Variants in BCAS3 observed in about 807,000 individuals in gnomAD.
BCAS3 encodes the protein BCAS4/BCAS3 fusion.
In BCAS3, 53 loss-of-function variants were observed where a neutral mutation model predicts 116.1. The ratio of observed to expected loss-of-function variants is 0.46; its 90% CI spans 0.37 to 0.57. The LOEUF (loss-of-function observed/expected upper bound fraction) is 0.57. BCAS3 is among the 20% of genes least tolerant of loss of function. BCAS3 has a pLI of 0.00. For missense variants in BCAS3, 917 were observed against 1,165.4 expected (o/e 0.79, Z 3.10); for synonymous variants, 391 against 408.2 (o/e 0.96, Z 0.51).
At chr17:61,044,484 T>C (rs997655070) in intron 19 of BCAS3, among the ~76,000 whole-genome samples, 11 of 142,752 alleles carry the variant, frequency 7.7e-5, no homozygotes, top group Admixed American at 6.8e-4. Flanking sequence ...ATATATGCCA[T>C]AAGAACTTAA....
chr17:60,859,203 T>C (rs2053944733), intron 7 of BCAS3, among the ~76,000 whole-genome samples: 1 of 152,240 alleles, frequency 6.6e-6, no homozygotes, highest in Non-Finnish European at 1.5e-5. Flanking sequence ...TTCCAACTTT[T>C]ATTTTAGGTT....
intron 14 of BCAS3, among the ~76,000 whole-genome samples, chr17:60,969,849 A>G (rs886672923): frequency 6.6e-6 from 1 of 152,194 alleles, no homozygotes; most frequent in African/African-American, 2.4e-5. Context: ...CTCACTGGAA[A>G]CCATGGAAGT....
At chr17:60,714,393 G>A (rs934888369) in intron 5 of BCAS3, among the ~76,000 whole-genome samples, 1 of 152,036 alleles carries the variant, frequency 6.6e-6, no homozygotes, top group Admixed American at 6.6e-5. Context: ...ACTGTCCCGC[G>A]GTGGCTCATG....
chr17:60,924,076 C>T (rs2059241195), intron 12 of BCAS3, among the ~76,000 whole-genome samples: 1 of 152,068 alleles, frequency 6.6e-6, no homozygotes, highest in South Asian at 2.1e-4. Context: ...GGATAAAGCG[C>T]TAAGTGATTA....
chr17:61,322,832 G>GAGAGAGAGAGAGAGAGAGAGAGAC (rs1568850601), intron 22 of BCAS3, among the ~76,000 whole-genome samples: 2 of 119,846 alleles, frequency 1.7e-5, no homozygotes, highest in African/African-American at 4.3e-5. Context: ...GAGAGAGACA[G>GAGAGAGAGAGAGAGAGAGAGAGAC]AGAGAGAGAG....
Position 60,854,949 on chromosome 17 carries a change from G to GTT in BCAS3, c.477-13607_477-13606dup, listed in dbSNP as rs1267985905. Among the ~76,000 whole-genome samples the GTT allele has an allele frequency of 3.2e-3, 395 of 121,970 alleles. 13 individuals carry two copies. Among genetic ancestry groups the GTT allele is most frequent in the African/African-American group, 7.9e-3 (222 of 28,216 alleles). The allele number at this position is 121,970 out of a possible 152,430, so 80.0% of individuals were successfully genotyped here. A position where few individuals can be genotyped will look rare whatever the true frequency, so the allele number is the denominator to read the frequency against. On this transcript the variant is annotated intron_variant, in intron 7 of 23. Transcript: ENST00000407086. ...ATTTTTCTTATTTATTTTCAGTGAG[G>GTT]TTTTTTTTTTTTTTTTTTTTTGTAG... is the stretch of plus-strand genomic sequence containing the variant.
At chr17:61,293,319 G>A (rs1306803463) in intron 22 of BCAS3, among the ~76,000 whole-genome samples, 2 of 152,130 alleles carry the variant, frequency 1.3e-5, no homozygotes, top group Non-Finnish European at 2.9e-5. Flanking sequence ...TATAGCTTGA[G>A]AAAATCCTCC....
chr17:60,782,560 A>AGTT (rs1003659598), intron 6 of BCAS3, among the ~76,000 whole-genome samples: 5 of 128,150 alleles, frequency 3.9e-5, no homozygotes, highest in African/African-American at 1.7e-4. Context: ...GGTCTTTATA[A>AGTT]GTTATTATTA....
intron 22 of BCAS3, among the ~76,000 whole-genome samples, chr17:61,157,685 G>A (rs1015221100): frequency 3.1e-5 from 4 of 130,824 alleles, no homozygotes; most frequent in African/African-American, 1.2e-4. Flanking sequence ...TTTAATTTCA[G>A]TGGAGAGGCT....
intron 22 of BCAS3, among the ~76,000 whole-genome samples, chr17:61,212,856 T>G (rs1265714443): frequency 6.6e-6 from 1 of 152,214 alleles, no homozygotes; most frequent in African/African-American, 2.4e-5. Flanking sequence ...CTATAGCATT[T>G]GGTTAGCATC....
Position 61,381,266 on chromosome 17 carries a change from A to G in BCAS3, c.2594-10711A>G, listed in dbSNP as rs1407295965. ...TTTGTTATTCCTCCTGGAGGAGCAA[A>G]TGGAAAGGCTCGCCTGAGCCAGCTG... is the stretch of plus-strand genomic sequence containing the variant. On this transcript the variant is annotated intron_variant, in intron 23 of 23. Coordinates refer to ENST00000407086, the MANE Select transcript of BCAS3 (RefSeq NM_017679.5). This position sits in a 1 kb window ranked among gnomAD's most constrained non-coding sequence, Gnocchi z 6.0. Among the ~76,000 whole-genome samples, 1 of 152,216 alleles carries G rather than the reference A, an allele frequency of 6.6e-6. No homozygotes were observed. The highest frequency in any genetic ancestry group is 1.5e-5 in the Non-Finnish European group (1 of 68,042).
chr17:61,175,075 C>T (rs572450506), intron 22 of BCAS3, among the ~76,000 whole-genome samples: 1 of 152,232 alleles, frequency 6.6e-6, no homozygotes, highest in African/African-American at 2.4e-5. Context: ...AAAGAGTAGT[C>T]CTGCTGCATC....
chr17:61,084,528 C>G lies in BCAS3; in HGVS notation c.2389C>G (p.Arg797Gly). Residue 797 changes from arginine (R) to glycine (G), a missense_variant, in exon 22 of 24, where the codon CGA becomes GGA. Physicochemically the swap from Arg to Gly is moderately radical, Grantham distance 125. This residue lies in a region of BCAS3 where 807 missense variants were observed against 1,026.0 expected (regional missense o/e 0.79). Coordinates refer to ENST00000407086, the MANE Select transcript of BCAS3 (RefSeq NM_017679.5). This position sits in a 1 kb window ranked among gnomAD's most constrained non-coding sequence, Gnocchi z 5.5. ...AGGGTCATCCCGTCCAGTCTCTGAT[C>G]GAAGGGGAGTTTCCACAGTGATTGA... ...MPGSSRPVSD[R>G]RGVSTVIDAA... 7 of 1,614,086 alleles carry G rather than the reference C, an allele frequency of 4.3e-6. No individual in the cohort carries two copies. The highest frequency in any genetic ancestry group is 5.9e-6 in the Non-Finnish European group (7 of 1,179,962).
Position 60,956,682 on chromosome 17 carries a change from G to A in BCAS3, c.1221+9330G>A, listed in dbSNP as rs1229750272. On this transcript the variant is annotated intron_variant, in intron 14 of 23. Coordinates refer to ENST00000407086, the MANE Select transcript of BCAS3 (RefSeq NM_017679.5). This position sits in a 1 kb window ranked among gnomAD's most constrained non-coding sequence, Gnocchi z 4.2. ...TGCCAGTGATGTTCCTACTTAACAG[G>A]TAGGAAAGTCAAATAGAAATTATTT... 6.6e-6 allele frequency among the ~76,000 whole-genome samples: 1 copy of A among 152,148 alleles called. No homozygotes were observed. Among genetic ancestry groups the A allele is most frequent in the East Asian group, 1.9e-4 (1 of 5,196 alleles).
intron 6 of BCAS3, among the ~76,000 whole-genome samples, chr17:60,763,227 A>C (rs1046262415): frequency 6.6e-6 from 1 of 152,134 alleles, no homozygotes; most frequent in African/African-American, 2.4e-5. Flanking sequence ...AACTTCCAAC[A>C]CTATGTTGAA....
chr17:61,288,282 C>G (rs930402614), intron 22 of BCAS3, among the ~76,000 whole-genome samples: 1 of 152,232 alleles, frequency 6.6e-6, no homozygotes, highest in Non-Finnish European at 1.5e-5. Flanking sequence ...GACTTGTCAT[C>G]TGCTGGCCCT....
intron 6 of BCAS3, among the ~76,000 whole-genome samples, chr17:60,792,024 G>A (rs1024945064): frequency 3.9e-5 from 6 of 152,178 alleles, no homozygotes; most frequent in Non-Finnish European, 5.9e-5. Context: ...TCAGGAGGCC[G>A]AGGCAGGAGA....
At chr17:60,851,494 A>G in intron 7 of BCAS3, 1 of 567,186 alleles carries the variant, frequency 1.8e-6, no homozygotes, top group Non-Finnish European at 3.4e-6. Flanking sequence ...GCGAAGCCGA[A>G]AAAGGCAGCA....
In BCAS3 at chr17:61,131,552, A is replaced by T. The variant is rs984641465; in HGVS notation, c.2425+46988A>T. The stretch of plus-strand genomic sequence containing the variant: ...CAATTTGCATTTGAGATTTTAAAAT[A>T]AAGCCTAAACATCGGTCCCTTCCTT... On this transcript the variant is annotated intron_variant, in intron 22 of 23. Transcript: ENST00000407086. The surrounding 1 kb of genome is among the most constrained non-coding windows in gnomAD (Gnocchi z 4.4). Among the ~76,000 whole-genome samples the T allele has an allele frequency of 6.6e-6, 1 of 152,256 alleles. No individual in the cohort carries two copies. Among genetic ancestry groups the T allele is most frequent in the Non-Finnish European group, 1.5e-5 (1 of 68,048 alleles).
Sources: gnomAD v4.1 joint callset for allele counts (sites outside exome capture counted in the v4.1 genomes callset) on GRCh38, gnomAD v4.1.1 for gene constraint, gnomAD v4.1.1 regional missense constraint, Gnocchi (gnomAD v3.1) non-coding constraint, MANE v1.5 for transcripts, NCBI Gene and HGNC (gene_info 2026-07-23, HGNC 2026-07-21) for gene names.